USP42: variants seen among roughly 807,000 people sequenced by gnomAD.
USP42 encodes ubiquitin specific peptidase 42.
A neutral mutation model predicts 113.0 loss-of-function variants in USP42; 23 were observed. That is an observed-to-expected ratio of 0.20 (90% CI 0.15 to 0.29). The LOEUF (loss-of-function observed/expected upper bound fraction) is 0.29. Among genes scored for constraint, USP42 ranks in the 10% least tolerant of loss-of-function variants. The pLI is 1.00. For synonymous variants in USP42, 933 were observed against 699.0 expected (o/e 1.33, Z -5.28); for missense variants, 2,174 against 1,779.8 (o/e 1.22, Z -3.99).
At chr7:6,119,371 T>C (rs1272041020) in intron 3 of USP42, among the ~76,000 whole-genome samples, 1 of 152,140 alleles carries the variant, frequency 6.6e-6, no homozygotes, top group Non-Finnish European at 1.5e-5. Context: ...CTTGGGAGAC[T>C]GAGGTGAGAG....
the USP42 span, among the ~76,000 whole-genome samples, chr7:6,099,096 T>C: frequency 6.7e-6 from 1 of 149,956 alleles, no homozygotes; most frequent in African/African-American, 2.5e-5. Flanking sequence ...CTCTGCCTGG[T>C]TTTCAGGACT....
chr7:6,156,859 C>G lies in USP42; in HGVS notation c.3747C>G (p.Asp1249Glu). The change falls in exon 16 of 18, where the codon GAC (aspartate) becomes GAG (glutamate). Residue 1249 changes from aspartate (D) to glutamate (E), a missense_variant. Transcript: ENST00000306177. The stretch of plus-strand genomic sequence containing the variant: ...AGAGACATTCAAGAAAATCAGAGGA[C>G]TTTGTTAAAGATTCAGAACTGCACT... Reference protein sequence around the residue: ...KKKRHSRKSEDFVKDSELHLP... With the variant: ...KKKRHSRKSEEFVKDSELHLP... 1 of 1,610,800 alleles carries G rather than the reference C, an allele frequency of 6.2e-7. No individual in the cohort carries two copies. The highest frequency in any genetic ancestry group is 8.5e-7 in the Non-Finnish European group (1 of 1,179,120).
intron 8 of USP42, 143 bp from the exon 9 acceptor site, chr7:6,143,942 G>T: frequency 4.0e-6 from 2 of 497,536 alleles, no homozygotes; most frequent in East Asian, 3.6e-5. Flanking sequence ...TTCACTGTTG[G>T]TTGAAGGCTG....
chr7:6,130,704 C>T (rs1780804644), intron 3 of USP42, among the ~76,000 whole-genome samples: 1 of 152,004 alleles, frequency 6.6e-6, no homozygotes, highest in African/African-American at 2.4e-5. Context: ...CATAGTTCTT[C>T]TGTGATGTTT....
chr7:6,124,728 C>CA, intron 3 of USP42, among the ~76,000 whole-genome samples: 1 of 151,824 alleles, frequency 6.6e-6, no homozygotes, highest in East Asian at 1.9e-4. Flanking sequence ...CTATTTGTCC[C>CA]ATTTATTCTT....
intron 15 of USP42, among the ~76,000 whole-genome samples, chr7:6,155,694 G>A (rs1562860383): frequency 6.6e-6 from 1 of 152,156 alleles, no homozygotes; most frequent in East Asian, 1.9e-4. Flanking sequence ...AGACACCTTC[G>A]TTTCCTCGGC....
chr7:6,104,682 A>G (rs1397941229), upstream of USP42, among the ~76,000 whole-genome samples: 1 of 152,158 alleles, frequency 6.6e-6, no homozygotes, highest in Non-Finnish European at 1.5e-5. Flanking sequence ...ACGCGCGACC[A>G]GCCCAGCCAA....
At position 6,155,097 on chromosome 7, in the gene USP42, C is replaced by G. The variant is rs759763185; in HGVS notation, c.3543C>G (p.Ser1181Arg). Residue 1181 changes from serine to arginine, a missense_variant, in exon 15 of 18, where the codon AGC (serine) becomes AGG (arginine). By Grantham distance (110) the Ser-to-Arg change is moderately radical (BLOSUM62 -1). Coordinates refer to ENST00000306177, the MANE Select transcript of USP42 (RefSeq NM_032172.3). ...DSHVEKKARR[S>R]EQKDPLEEPK... The stretch of plus-strand genomic sequence containing the variant: ...ATGTTGAAAAGAAAGCCCGGAGGAG[C>G]GAACAGAAGGATCCTCTAGAAGAGC... 1.3e-6 allele frequency: 2 copies of G among 1,560,260 alleles called. No homozygotes were observed. Among genetic ancestry groups the G allele is most frequent in the South Asian group, 1.2e-5 (1 of 84,418 alleles).
At chr7:6,148,033 A>C (rs1460516379) in intron 12 of USP42, 141 bp downstream of exon 12, 1 of 933,378 alleles carries the variant, frequency 1.1e-6, no homozygotes, top group Non-Finnish European at 1.5e-6. Flanking sequence ...CCTCTTACAC[A>C]GTATTTCAAA....
chr7:6,157,713 C>G lies in USP42; in HGVS notation c.3943+658C>G, dbSNP rs1782541816. Reference sequence around the variant, plus strand: ...TTAAACCTGTAGCATTCTGAGTGCACCCTGATGCTCGGTACTGATTTGCTC... The same window carrying G: ...TTAAACCTGTAGCATTCTGAGTGCAGCCTGATGCTCGGTACTGATTTGCTC... On this transcript the variant is annotated intron_variant, in intron 16 of 17. Coordinates refer to ENST00000306177, the MANE Select transcript of USP42 (RefSeq NM_032172.3). The surrounding 1 kb of genome is among the most constrained non-coding windows in gnomAD (Gnocchi z 4.1). Among the ~76,000 whole-genome samples the G allele has an allele frequency of 6.6e-6, 1 of 152,192 alleles. No homozygotes were observed. The highest frequency in any genetic ancestry group is 2.4e-5 in the African/African-American group (1 of 41,442).
At chr7:6,089,410 C>T in the USP42 span, among the ~76,000 whole-genome samples, 6 of 150,734 alleles carry the variant, frequency 4.0e-5, no homozygotes, top group South Asian at 1.2e-3. Flanking sequence ...GGCCAGCAAG[C>T]TTTGTAAGAT....
chr7:6,130,131 A>G (rs1780771104), intron 3 of USP42, among the ~76,000 whole-genome samples: 1 of 152,140 alleles, frequency 6.6e-6, no homozygotes, highest in African/African-American at 2.4e-5. Context: ...AATTGTAGGC[A>G]TGAGCCCCCG....
Position 6,154,889 on chromosome 7 carries a change from A to C in USP42, c.3335A>C (p.His1112Pro), listed in dbSNP as rs1782342367. 1.9e-6 allele frequency: 3 copies of C among 1,539,156 alleles called. No homozygotes were observed. The highest frequency in any genetic ancestry group is 2.6e-6 in the Non-Finnish European group (3 of 1,141,034). ...GCEPARERER[H>P]RPSSPRAGAP... The stretch of plus-strand genomic sequence containing the variant: ...GAGCCGGCCCGGGAGAGGGAGCGGC[A>C]CCGCCCCAGCAGCCCCCGCGCAGGC... The change falls in exon 15 of 18, where the codon CAC (histidine) becomes CCC (proline). Residue 1112 changes from histidine to proline, a missense_variant. His to Pro is a moderately conservative substitution (Grantham distance 77). Transcript: ENST00000306177.
the USP42 span, among the ~76,000 whole-genome samples, chr7:6,096,373 G>A: frequency 2.6e-5 from 4 of 151,170 alleles, no homozygotes; most frequent in Non-Finnish European, 5.9e-5. Flanking sequence ...GGGTGATGGA[G>A]AGGGGAGATG....
chr7:6,145,338 A>AAG (rs2128509318), intron 9 of USP42, among the ~76,000 whole-genome samples, 178 bp from the exon 10 acceptor site: 1 of 152,164 alleles, frequency 6.6e-6, no homozygotes, highest in African/African-American at 2.4e-5. Context: ...CTCAAAAAAA[A>AAG]AAAAAAGATG....
chr7:6,100,119 C>A (rs1337932238), upstream of USP42, among the ~76,000 whole-genome samples: 2 of 148,812 alleles, frequency 1.3e-5, no homozygotes, highest in Non-Finnish European at 3.0e-5. Context: ...TCCTAAAGTG[C>A]TGGGATTACA....
intron 7 of USP42, among the ~76,000 whole-genome samples, chr7:6,142,120 C>G (rs1160224390): frequency 6.6e-6 from 1 of 152,046 alleles, no homozygotes; most frequent in African/African-American, 2.4e-5. Context: ...TTTTTGTTCA[C>G]TTTAATTCTG....
chr7:6,096,294 C>T, the USP42 span, among the ~76,000 whole-genome samples: 1 of 151,212 alleles, frequency 6.6e-6, no homozygotes, highest in African/African-American at 2.5e-5. Flanking sequence ...TACTTGGTGC[C>T]AGTAAGAACA....
intron 14 of USP42, among the ~76,000 whole-genome samples, chr7:6,152,439 CT>C (rs201198108): frequency 0.013 from 2,010 of 152,356 alleles, 25 homozygotes; most frequent in Middle Eastern, 0.061. Context: ...TGGCACTCAC[CT>C]GTGGGGGTGC....
Sources: allele counts gnomAD v4.1 joint callset (sites outside exome capture counted in the v4.1 genomes callset), GRCh38; gene constraint gnomAD v4.1.1; non-coding constraint Gnocchi (gnomAD v3.1); transcripts MANE v1.5; gene names NCBI Gene and HGNC (gene_info 2026-07-23, HGNC 2026-07-21).